Variants in NUBPL observed in about 807,000 individuals in gnomAD.
NUBPL encodes the protein NUBP iron-sulfur cluster assembly factor, mitochondrial.
Under a neutral mutation model 45.7 loss-of-function variants are expected in NUBPL, and 31 were observed. The ratio of observed to expected loss-of-function variants is 0.68; its 90% confidence interval spans 0.51 to 0.92. The LOEUF (loss-of-function observed/expected upper bound fraction) is 0.92, where lower values mean the gene tolerates loss of function less well. Ranked by LOEUF, NUBPL falls within the 40% of genes least tolerant of loss-of-function variation. NUBPL has a pLI of 0.00. For missense variants in NUBPL, 401 were observed against 398.7 expected, an observed-to-expected ratio of 1.01 and a Z score of -0.05; for synonymous variants, 144 against 140.9, an observed-to-expected ratio of 1.02 and a Z score of -0.15.
intron 10 of NUBPL, among the ~76,000 whole-genome samples, chr14:31,850,458 A>T (rs1160232989): frequency 2.0e-5 from 3 of 152,214 alleles, no homozygotes; most frequent in Non-Finnish European, 2.9e-5. Flanking sequence ...GCGTGAAAAG[A>T]GAGTTTGTAA....
chr14:31,738,193 C>A (rs1026372638), intron 6 of NUBPL, among the ~76,000 whole-genome samples: 1 of 150,608 alleles, frequency 6.6e-6, no homozygotes, highest in Non-Finnish European at 1.5e-5. Flanking sequence ...CTTGTTTTAC[C>A]TTCAGGTCAT....
chr14:31,604,093 A>T (rs1421185200), intron 4 of NUBPL, among the ~76,000 whole-genome samples: 1 of 151,638 alleles, frequency 6.6e-6, no homozygotes, highest in Non-Finnish European at 1.5e-5. Context: ...TACTGAAGCT[A>T]TAATCTTAAA....
chr14:31,583,953 A>G (rs1389244063), intron 3 of NUBPL, among the ~76,000 whole-genome samples: 1 of 152,220 alleles, frequency 6.6e-6, no homozygotes, highest in Non-Finnish European at 1.5e-5. Flanking sequence ...AATAATATGC[A>G]TATTTTCAAG....
At chr14:31,821,020 G>A (rs1381425320) in intron 7 of NUBPL, among the ~76,000 whole-genome samples, 1 of 152,004 alleles carries the variant, frequency 6.6e-6, no homozygotes, top group Non-Finnish European at 1.5e-5. Context: ...CTACTCTGGA[G>A]GCTGAGACAG....
Position 31,573,910 on chromosome 14 carries a change from G to GCCTT in NUBPL, c.291+8863_291+8866dup, listed in dbSNP as rs147354758. Among the ~76,000 whole-genome samples, 436 of 152,186 alleles carry GCCTT rather than the reference G, an allele frequency of 2.9e-3. 2 individuals carry two copies. Among genetic ancestry groups the GCCTT allele is most frequent in the African/African-American group, 9.8e-3 (407 of 41,514 alleles). Reference sequence around the variant, plus strand: ...TTTATTCCTTTTTTTAATCCTTGGTGCCTTGTCCAGTAATGGAACATAGTA... The same window carrying GCCTT: ...TTTATTCCTTTTTTTAATCCTTGGTGCCTTCCTTGTCCAGTAATGGAACATAGTA... On this transcript the variant is annotated intron_variant, in intron 3 of 10. Transcript: ENST00000281081.
chr14:31,632,371 C>T (rs1036365670), intron 4 of NUBPL, among the ~76,000 whole-genome samples: 1 of 152,120 alleles, frequency 6.6e-6, no homozygotes, highest in African/African-American at 2.4e-5. Flanking sequence ...AGAGAGGAAG[C>T]CAGGAAATTA....
chr14:31,636,778 G>A (rs527851970), intron 4 of NUBPL, among the ~76,000 whole-genome samples: 1 of 152,244 alleles, frequency 6.6e-6, no homozygotes, highest in Non-Finnish European at 1.5e-5. Flanking sequence ...GCCTGTTATT[G>A]GTCTATTCAG....
At chr14:31,733,195 GTAGA>G (rs1262067194) in intron 6 of NUBPL, among the ~76,000 whole-genome samples, 14 of 152,174 alleles carry the variant, frequency 9.2e-5, no homozygotes, top group South Asian at 2.1e-4. Flanking sequence ...AGGTAGGTAG[GTAGA>G]TAGATAGATA....
chr14:31,612,967 AG>A (rs2034800250), intron 4 of NUBPL, among the ~76,000 whole-genome samples: 1 of 152,198 alleles, frequency 6.6e-6, no homozygotes, highest in Non-Finnish European at 1.5e-5. Flanking sequence ...GAAGGAAATC[AG>A]TATATTGAAG....
intron 4 of NUBPL, among the ~76,000 whole-genome samples, chr14:31,621,854 A>G (rs1444890956): frequency 6.6e-6 from 1 of 152,118 alleles, no homozygotes; most frequent in Non-Finnish European, 1.5e-5. Context: ...AGAGTGGGGT[A>G]CTCCTCTAAA....
intron 4 of NUBPL, among the ~76,000 whole-genome samples, chr14:31,659,815 A>G (rs1362261345): frequency 2.6e-5 from 4 of 152,196 alleles, no homozygotes; most frequent in African/African-American, 9.6e-5. Context: ...TTCCTAATGC[A>G]GTCTGTCCAC....
At chr14:31,852,902 C>A (rs1263408999) in intron 10 of NUBPL, among the ~76,000 whole-genome samples, 1 of 152,178 alleles carries the variant, frequency 6.6e-6, no homozygotes, top group Non-Finnish European at 1.5e-5. Flanking sequence ...AACGCTCTCA[C>A]CAGATTCTGT....
At chr14:31,677,035 C>G (rs1332361351) in intron 6 of NUBPL, among the ~76,000 whole-genome samples, 1 of 150,394 alleles carries the variant, frequency 6.6e-6, no homozygotes, top group Non-Finnish European at 1.5e-5. Flanking sequence ...TTTTAAAATT[C>G]TTAATTTAAA....
At chr14:31,656,747 A>C (rs1362769338) in intron 4 of NUBPL, among the ~76,000 whole-genome samples, 2 of 152,238 alleles carry the variant, frequency 1.3e-5, no homozygotes, top group Admixed American at 1.3e-4. Context: ...ATAATAAAAA[A>C]GTGTGAAATA....
chr14:31,607,345 T>A (rs1207257018), intron 4 of NUBPL, among the ~76,000 whole-genome samples: 1 of 151,052 alleles, frequency 6.6e-6, no homozygotes, highest in African/African-American at 2.4e-5. Flanking sequence ...ATCGTGCCAC[T>A]GCACTGCAGC....
intron 6 of NUBPL, among the ~76,000 whole-genome samples, chr14:31,784,065 A>G (rs921808246): frequency 1.3e-5 from 2 of 152,168 alleles, no homozygotes; most frequent in Non-Finnish European, 2.9e-5. Flanking sequence ...AGTTTTAAAG[A>G]GTTTATTAAC....
intron 3 of NUBPL, among the ~76,000 whole-genome samples, chr14:31,585,667 G>A (rs1292426045): frequency 6.6e-6 from 1 of 152,170 alleles, no homozygotes; most frequent in African/African-American, 2.4e-5. Context: ...CACTTGCAGT[G>A]TGTGAGGATT....
intron 4 of NUBPL, among the ~76,000 whole-genome samples, chr14:31,654,607 C>T (rs917601979): frequency 3.3e-5 from 5 of 152,030 alleles, no homozygotes; most frequent in African/African-American, 7.2e-5. Context: ...CATGGGGTTT[C>T]ACAGTGTTAG....
chr14:31,828,018 A>G (rs2040132428), intron 8 of NUBPL, among the ~76,000 whole-genome samples: 1 of 145,528 alleles, frequency 6.9e-6, no homozygotes, highest in African/African-American at 2.4e-5. Context: ...TCTCGTGAAA[A>G]TCGAGGAGGC....
Sources: gnomAD v4.1 joint callset for allele counts (sites outside exome capture counted in the v4.1 genomes callset) on GRCh38, gnomAD v4.1.1 for gene constraint, MANE v1.5 for transcripts, NCBI Gene and HGNC (gene_info 2026-07-23, HGNC 2026-07-21) for gene names.